The following LIPK variants were observed in gnomAD, a reference collection of about 807,000 sequenced individuals.
The protein encoded by LIPK is lipase member K.
LIPK carries 32 observed loss-of-function variants against 48.6 expected under a neutral mutation model. The observed-to-expected ratio is 0.66, with a 90% CI of 0.50 to 0.88. The LOEUF (loss-of-function observed/expected upper bound fraction) is 0.88. Ranked by LOEUF, LIPK falls within the 40% of genes least tolerant of loss-of-function variation. LIPK has a pLI of 0.00. For synonymous variants in LIPK, 164 were observed against 157.4 expected (o/e 1.04, Z -0.32); for missense variants, 507 against 478.5 (o/e 1.06, Z -0.56).
At chr10:88,730,411 T>A (rs1053535799) in intron 3 of LIPK, among the ~76,000 whole-genome samples, 6 of 152,098 alleles carry the variant, frequency 3.9e-5, no homozygotes, top group Non-Finnish European at 7.4e-5. Flanking sequence ...TGCCTCAGCC[T>A]CCCGAGTAGC....
At chr10:88,749,155 G>T (rs1842821844) in intron 9 of LIPK, among the ~76,000 whole-genome samples, 1 of 152,172 alleles carries the variant, frequency 6.6e-6, no homozygotes, top group East Asian at 1.9e-4. Context: ...CATGTTCATG[G>T]ATAGGAAGAA....
At chr10:88,740,361 G>T (rs1842656537) in intron 8 of LIPK, among the ~76,000 whole-genome samples, 1 of 152,196 alleles carries the variant, frequency 6.6e-6, no homozygotes, top group South Asian at 2.1e-4. Flanking sequence ...AAAGTCATCA[G>T]CTCTAATAGA....
chr10:88,719,661 T>C (rs764092890), intron 1 of LIPK, among the ~76,000 whole-genome samples: 6 of 152,120 alleles, frequency 3.9e-5, no homozygotes, highest in Non-Finnish European at 7.4e-5. Flanking sequence ...TTCTGTGGGG[T>C]CTTTGTACCT....
chr10:88,723,953 A>G (rs1433738000), intron 1 of LIPK, among the ~76,000 whole-genome samples: 1 of 152,144 alleles, frequency 6.6e-6, no homozygotes, highest in Non-Finnish European at 1.5e-5. Context: ...ACAGTCTCTT[A>G]CTTTGGGAAA....
At position 88,742,726 on chromosome 10, in the gene LIPK, A is replaced by T. The variant is rs529136524; in HGVS notation, c.889-524A>T. Among the ~76,000 whole-genome samples the T allele has an allele frequency of 1.3e-4, 20 of 151,980 alleles. No individual in the cohort carries two copies. In the East Asian group the frequency reaches 3.7e-3, roughly 28 times the overall value. On this transcript the variant is annotated intron_variant, in intron 8 of 9. Coordinates refer to ENST00000404190, the MANE Select transcript of LIPK (RefSeq NM_001080518.2). ...AGAGCAGCCATGTACCTTACACAGAACTGCGGAAGCTCAGTGGGTGAATAT... is the reference window on the plus strand; with the variant it reads ...AGAGCAGCCATGTACCTTACACAGATCTGCGGAAGCTCAGTGGGTGAATAT...
intron 6 of LIPK, 134 bp downstream of exon 6, chr10:88,732,685 C>A: frequency 1.1e-6 from 1 of 909,912 alleles, no homozygotes; most frequent in Non-Finnish European, 1.7e-6. Flanking sequence ...TGTAAGTTCA[C>A]TGATGATGTA....
intron 6 of LIPK, among the ~76,000 whole-genome samples, chr10:88,735,447 C>T (rs1455576092): frequency 2.8e-4 from 42 of 152,200 alleles, no homozygotes; most frequent in African/African-American, 4.8e-5. Flanking sequence ...AGCTAATGGA[C>T]GGCAGAGCGA....
At chr10:88,707,301 C>A (rs1841953493) in intron 1 of LIPK, among the ~76,000 whole-genome samples, 1 of 152,024 alleles carries the variant, frequency 6.6e-6, no homozygotes, top group African/African-American at 2.4e-5. Context: ...TGCCATTTTA[C>A]TCTAAAATGA....
intron 1 of LIPK, among the ~76,000 whole-genome samples, chr10:88,721,729 G>C (rs1230462374): frequency 6.6e-6 from 1 of 152,144 alleles, no homozygotes; most frequent in African/African-American, 2.4e-5. Context: ...CCAACACAAG[G>C]ACCCCAGGTT....
chr10:88,741,380 A>C (rs1842677549), intron 8 of LIPK, among the ~76,000 whole-genome samples: 1 of 152,006 alleles, frequency 6.6e-6, no homozygotes, highest in African/African-American at 2.4e-5. Flanking sequence ...ATGCACCACC[A>C]TGCCCAGATA....
rs747408139 is a variant in LIPK, at chr10:88,726,854, T to C, written c.165T>C (p.Asp55=). The C allele has an allele frequency of 6.8e-6, 11 of 1,608,702 alleles. No homozygotes were observed. The East Asian group carries it at 2.2e-4, about 33-fold the overall frequency. The change falls in exon 3 of 10, where the codon GAT becomes GAC. Residue 55 remains aspartate, a synonymous_variant. Coordinates refer to ENST00000404190, the MANE Select transcript of LIPK (RefSeq NM_001080518.2). ...PYEEYDVTTK[D]GYILGIYRIP... ...AAGAGTATGATGTTACAACAAAAGA[T>C]GGTTATATCCTTGGAATTTATAGGA...
At chr10:88,749,214 A>G (rs1240382307) in intron 9 of LIPK, among the ~76,000 whole-genome samples, 1 of 152,238 alleles carries the variant, frequency 6.6e-6, no homozygotes, top group Non-Finnish European at 1.5e-5. Flanking sequence ...TACAGATTCA[A>G]TGCTACTCCT....
intron 3 of LIPK, chr10:88,728,041 T>C (rs1305916156): frequency 5.6e-6 from 2 of 360,154 alleles, no homozygotes; most frequent in Non-Finnish European, 1.1e-5. Context: ...GGTGGAGGAC[T>C]TCAAGAGTAA....
In LIPK at chr10:88,724,549, G is replaced by T; in HGVS notation, c.6G>T (p.Trp2Cys). The T allele has an allele frequency of 6.2e-7, 1 of 1,600,112 alleles. No individual in the cohort carries two copies. The change falls in exon 2 of 10, where the codon TGG becomes TGT. Residue 2 changes from tryptophan to cysteine, a missense_variant. Physicochemically the swap from Trp to Cys is radical, Grantham distance 215. Transcript: ENST00000404190. The stretch of plus-strand genomic sequence containing the variant: ...CTTTCCTAGGCAGATCCCAAATGTG[G>T]CAGCTTTTAGCAGCAGCATGCTGGA... M[W>C]QLLAAACWML...
At chr10:88,714,610 GTTTT>G (rs946770034) in intron 1 of LIPK, among the ~76,000 whole-genome samples, 1 of 152,010 alleles carries the variant, frequency 6.6e-6, no homozygotes, top group Non-Finnish European at 1.5e-5. Flanking sequence ...TCTGGAAATG[GTTTT>G]TTAAGTTGTG....
chr10:88,716,044 A>C (rs1213092202), intron 1 of LIPK, among the ~76,000 whole-genome samples: 1 of 152,114 alleles, frequency 6.6e-6, no homozygotes, highest in African/African-American at 2.4e-5. Flanking sequence ...GGTTTCTCAA[A>C]TGGATATTTA....
Position 88,736,409 on chromosome 10 carries a change from C to A in LIPK, c.670-1226C>A, listed in dbSNP as rs563992198. 1.6e-4 allele frequency among the ~76,000 whole-genome samples: 24 copies of A among 152,220 alleles called. No homozygotes were observed. The East Asian group carries it at 4.0e-3, about 26-fold the overall frequency. Reference sequence around the variant, plus strand: ...TAATTAAACTTGCCAAATTGTAATTCTTCCAGTGTAAATGTCCCCATAATA... The same window carrying A: ...TAATTAAACTTGCCAAATTGTAATTATTCCAGTGTAAATGTCCCCATAATA... On this transcript the variant is annotated intron_variant, in intron 6 of 9. Coordinates refer to ENST00000404190, the MANE Select transcript of LIPK (RefSeq NM_001080518.2).
chr10:88,739,752 G>A (rs1168091095), intron 7 of LIPK, among the ~76,000 whole-genome samples: 1 of 151,974 alleles, frequency 6.6e-6, no homozygotes, highest in African/African-American at 2.4e-5. Context: ...CTAGCTACTC[G>A]GGAGGCTAAG....
chr10:88,714,894 A>T (rs1842089067), intron 1 of LIPK, among the ~76,000 whole-genome samples: 2 of 151,742 alleles, frequency 1.3e-5, no homozygotes, highest in Admixed American at 6.6e-5. Flanking sequence ...TCCTCTCCTC[A>T]TACTACTTTG....
Sources: allele counts gnomAD v4.1 joint callset (sites outside exome capture counted in the v4.1 genomes callset), GRCh38; gene constraint gnomAD v4.1.1; transcripts MANE v1.5; gene names NCBI Gene and HGNC (gene_info 2026-07-23, HGNC 2026-07-21).